Variants in GRM1 observed in about 807,000 individuals in gnomAD.
GRM1 encodes the protein glutamate metabotropic receptor 1.
GRM1 carries 33 observed loss-of-function variants against 90.9 expected under a neutral mutation model. That is an observed-to-expected ratio of 0.36 (90% CI 0.28 to 0.49). GRM1 has a LOEUF of 0.49. Among genes scored for constraint, GRM1 ranks in the 20% least tolerant of loss-of-function variants. The pLI, the probability that GRM1 is intolerant of heterozygous loss-of-function variation, is 0.99. For missense variants in GRM1, 1,190 were observed against 1,534.3 expected (o/e 0.78, Z 3.75); for synonymous variants, 700 against 613.2 (o/e 1.14, Z -2.09).
intron 2 of GRM1, among the ~76,000 whole-genome samples, chr6:146,285,944 A>T (rs568583633): frequency 6.6e-6 from 1 of 152,324 alleles, no homozygotes; most frequent in African/African-American, 2.4e-5. Context: ...TGAAATCTAT[A>T]TTTAATGAGT....
intron 2 of GRM1, among the ~76,000 whole-genome samples, chr6:146,221,034 G>C (rs1369037087): frequency 2.0e-5 from 3 of 151,990 alleles, no homozygotes; most frequent in Admixed American, 6.6e-5. Flanking sequence ...AACCAGGTAA[G>C]AGTCTGGTTG....
intron 3 of GRM1, among the ~76,000 whole-genome samples, chr6:146,337,741 A>C (rs2115008073): frequency 6.6e-6 from 1 of 152,364 alleles, no homozygotes; most frequent in East Asian, 1.9e-4. Context: ...AAAGTGAAAA[A>C]ATTATAACGA....
At chr6:146,272,498 T>C (rs1295449569) in intron 2 of GRM1, among the ~76,000 whole-genome samples, 3 of 152,218 alleles carry the variant, frequency 2.0e-5, no homozygotes, top group Non-Finnish European at 4.4e-5. Context: ...TGATAAATAG[T>C]GTTTACTGAA....
intron 1 of GRM1, among the ~76,000 whole-genome samples, chr6:146,099,550 A>G (rs934492816): frequency 1.3e-5 from 2 of 152,064 alleles, no homozygotes; most frequent in African/African-American, 4.8e-5. Flanking sequence ...TGCTTATACT[A>G]TCCTGGCTTT....
At position 146,135,753 on chromosome 6, in the gene GRM1, A is replaced by T. The variant is rs1437603664; in HGVS notation, c.701-23595A>T. 2.0e-5 allele frequency among the ~76,000 whole-genome samples: 3 copies of T among 152,330 alleles called. No homozygotes were observed. The East Asian group carries it at 5.8e-4, about 29-fold the overall frequency. ...GTAACCACATCAGGGTAAATGGGGT[A>T]TCCATCACCTTAAGCATTTACCCTT... On this transcript the variant is annotated intron_variant, in intron 1 of 7. Transcript: ENST00000282753.
chr6:146,132,397 G>T (rs961925827), intron 1 of GRM1, among the ~76,000 whole-genome samples: 29 of 152,160 alleles, frequency 1.9e-4, no homozygotes, highest in African/African-American at 7.0e-4. Context: ...GAAGTTGACA[G>T]ATTATAGGTG....
chr6:146,244,962 T>C (rs1022570493), intron 2 of GRM1, among the ~76,000 whole-genome samples: 1 of 152,218 alleles, frequency 6.6e-6, no homozygotes. Context: ...TGACTGTGCC[T>C]GTTTTGCCAC....
At chr6:146,066,398 A>AT (rs1190468792) in intron 1 of GRM1, among the ~76,000 whole-genome samples, 8 of 152,070 alleles carry the variant, frequency 5.3e-5, no homozygotes, top group African/African-American at 1.7e-4. Flanking sequence ...AAAGGACAAG[A>AT]TTTTTTTAAT....
At chr6:146,083,711 C>T (rs77875976) in intron 1 of GRM1, among the ~76,000 whole-genome samples, 1 of 152,156 alleles carries the variant, frequency 6.6e-6, no homozygotes, top group Admixed American at 6.5e-5. Context: ...TGTTGTGTCT[C>T]TGCCAGGTTT....
intron 3 of GRM1, among the ~76,000 whole-genome samples, chr6:146,348,195 G>A (rs905146382): frequency 1.3e-5 from 2 of 152,164 alleles, no homozygotes; most frequent in Middle Eastern, 3.2e-3. Flanking sequence ...GGAAGCCAAA[G>A]TGTTTTCACC....
intron 1 of GRM1, among the ~76,000 whole-genome samples, chr6:146,110,477 CT>C (rs2128873617): frequency 6.6e-6 from 1 of 152,166 alleles, no homozygotes; most frequent in East Asian, 1.9e-4. Context: ...AAACCTCCTT[CT>C]TTTGTACATT....
chr6:146,327,854 A>G (rs1784448010), intron 3 of GRM1, among the ~76,000 whole-genome samples: 1 of 152,114 alleles, frequency 6.6e-6, no homozygotes, highest in Non-Finnish European at 1.5e-5. Flanking sequence ...ATACAAGCAA[A>G]TGACTTTTAA....
At chr6:146,203,568 GTTT>G (rs565505976) in intron 2 of GRM1, among the ~76,000 whole-genome samples, 15 of 152,204 alleles carry the variant, frequency 9.9e-5, no homozygotes, top group Non-Finnish European at 2.1e-4. Flanking sequence ...TTCAGGGACA[GTTT>G]TATGCTCAAA....
Position 146,435,282 on chromosome 6 carries a change from G to A in GRM1, c.*486G>A, listed in dbSNP as rs6918099. The A allele has an allele frequency of 0.021, 6,009 of 289,460 alleles. 372 individuals carry two copies. The highest frequency in any genetic ancestry group is 0.12 in the African/African-American group (5,613 of 45,192). The allele number at this position is 289,460 out of a possible 1,614,324, so 17.9% of individuals were successfully genotyped here. ...CCAGACAGAGCAGGTGCGGGGAAGG[G>A]AAGGGCCCAGGCCAGACCCATCCCA... is the stretch of plus-strand genomic sequence containing the variant. On this transcript the variant is annotated 3_prime_UTR_variant, in exon 8 of 8. Transcript: ENST00000282753.
At chr6:146,093,609 T>C (rs539028484) in intron 1 of GRM1, among the ~76,000 whole-genome samples, 2 of 152,176 alleles carry the variant, frequency 1.3e-5, no homozygotes, top group South Asian at 4.1e-4. Flanking sequence ...TGAACCTCTC[T>C]TTTTTTCTTT....
intron 7 of GRM1, among the ~76,000 whole-genome samples, chr6:146,414,776 A>G (rs1777713061): frequency 6.6e-6 from 1 of 152,170 alleles, no homozygotes; most frequent in African/African-American, 2.4e-5. Context: ...ATTTTTTCTC[A>G]GTCTTTGACT....
At chr6:146,069,697 T>C (rs1056150562) in intron 1 of GRM1, among the ~76,000 whole-genome samples, 18 of 152,272 alleles carry the variant, frequency 1.2e-4, no homozygotes, top group African/African-American at 4.3e-4. Context: ...TGATGAAAGA[T>C]TCCTAACATT....
intron 5 of GRM1, among the ~76,000 whole-genome samples, chr6:146,364,676 A>G (rs961231705): frequency 2.6e-5 from 4 of 152,168 alleles, no homozygotes; most frequent in Admixed American, 6.6e-5. Flanking sequence ...AAAAAATAGT[A>G]CAATAGTTAC....
At chr6:146,416,712 C>A (rs144370053) in intron 7 of GRM1, among the ~76,000 whole-genome samples, 1 of 152,266 alleles carries the variant, frequency 6.6e-6, no homozygotes, top group African/African-American at 2.4e-5. Flanking sequence ...TTCTGCTTCA[C>A]CTGGTGCATC....
Sources: gnomAD v4.1 joint callset for allele counts (sites outside exome capture counted in the v4.1 genomes callset) on GRCh38, gnomAD v4.1.1 for gene constraint, MANE v1.5 for transcripts, NCBI Gene and HGNC (gene_info 2026-07-23, HGNC 2026-07-21) for gene names.